DLGAP2: variants seen among roughly 807,000 people sequenced by gnomAD.
The protein encoded by DLGAP2 is DLG associated protein 2.
In DLGAP2, 26 loss-of-function variants were observed where a neutral mutation model predicts 100.3. That is an observed-to-expected ratio of 0.26 (90% CI 0.19 to 0.36). The LOEUF is 0.36. Among genes scored for constraint, DLGAP2 ranks in the 10% least tolerant of loss-of-function variants. The pLI is 1.00. For missense variants in DLGAP2, 1,858 were observed against 1,453.2 expected (o/e 1.28, Z -4.53); for synonymous variants, 886 against 630.1 (o/e 1.41, Z -6.08).
At chr8:756,189 G>A (rs1484997775) in intron 1 of DLGAP2, among the ~76,000 whole-genome samples, 1 of 152,264 alleles carries the variant, frequency 6.6e-6, no homozygotes, top group Non-Finnish European at 1.5e-5. Context: ...ACGAGTGTCT[G>A]GGAGGAGCTG....
chr8:1,312,178 AC>A (rs1456934705), intron 3 of DLGAP2, among the ~76,000 whole-genome samples: 2 of 152,194 alleles, frequency 1.3e-5, no homozygotes, highest in Non-Finnish European at 2.9e-5. Context: ...ACAGATCTCA[AC>A]CTTTTCATAA....
intron 2 of DLGAP2, among the ~76,000 whole-genome samples, chr8:1,094,515 G>T (rs748851342): frequency 6.6e-6 from 1 of 152,200 alleles, no homozygotes; most frequent in Non-Finnish European, 1.5e-5. Flanking sequence ...TCTGTTTTGT[G>T]CTGAGGCTTA....
rs377333931 is a variant in DLGAP2 at position 1,317,645 on chromosome 8, C to T, written c.106+58762C>T. Among the ~76,000 whole-genome samples, 126 of 125,074 alleles carry T rather than the reference C, an allele frequency of 1.0e-3. 3 individuals carry two copies. The highest frequency in any genetic ancestry group is 5.4e-3 in the Middle Eastern group (1 of 184). 82.1% of individuals were successfully genotyped at this position (125,074 alleles called of 152,430 possible). A position where few individuals can be genotyped will look rare whatever the true frequency, so the allele number is the denominator to read the frequency against. ...AACAGTGGTCTACACTCGAGACACT[C>T]GGCAGCGTTTAAAAATAGAGCGTGT... On this transcript the variant is annotated intron_variant, in intron 3 of 14. Transcript: ENST00000637795.
intron 1 of DLGAP2, among the ~76,000 whole-genome samples, chr8:881,496 C>CTTTTT (rs533557661): frequency 2.3e-5 from 2 of 85,628 alleles, no homozygotes; most frequent in Non-Finnish European, 4.8e-5. Context: ...TTTCATCTCT[C>CTTTTT]TTTTTTTTTT....
At chr8:1,110,500 G>A (rs1804919458) in intron 2 of DLGAP2, among the ~76,000 whole-genome samples, 1 of 151,242 alleles carries the variant, frequency 6.6e-6, no homozygotes. Flanking sequence ...TGTGATGTGT[G>A]CACGTGCCTG....
intron 3 of DLGAP2, among the ~76,000 whole-genome samples, chr8:1,475,122 A>G (rs1468262638): frequency 6.6e-6 from 1 of 152,170 alleles, no homozygotes; most frequent in African/African-American, 2.4e-5. Flanking sequence ...GTGAATCAAC[A>G]CAAATACTGC....
Position 1,549,261 on chromosome 8 carries a change from CACCACGCCA to C in DLGAP2, c.810_818del (p.His270_Lys273delinsGln). 6.2e-7 allele frequency: 1 copy of C among 1,610,860 alleles called. No individual in the cohort carries two copies. Among genetic ancestry groups the C allele is most frequent in the Non-Finnish European group, 8.5e-7 (1 of 1,179,272 alleles). ...CCGGGCGGACGACCACCACCACGCC[CACCACGCCA>C]AGCACAGCAAGAGGAGCAAGAGCAA... On this transcript the variant is annotated inframe_deletion, in exon 5 of 15. Coordinates refer to ENST00000637795, the MANE Select transcript of DLGAP2 (RefSeq NM_001346810.2).
At chr8:1,475,924 A>C (rs938246167) in intron 3 of DLGAP2, among the ~76,000 whole-genome samples, 2 of 152,128 alleles carry the variant, frequency 1.3e-5, no homozygotes, top group African/African-American at 4.8e-5. Flanking sequence ...TTTCATTAAA[A>C]TGTCTTCTTC....
At chr8:1,237,973 A>G (rs1798701654) in intron 2 of DLGAP2, among the ~76,000 whole-genome samples, 3 of 10,992 alleles carry the variant, frequency 2.7e-4, no homozygotes, top group East Asian at 1.3e-3. Flanking sequence ...GTTCTCTCAC[A>G]TGGCGCCGTG....
intron 2 of DLGAP2, among the ~76,000 whole-genome samples, chr8:1,230,150 G>A (rs1194712653): frequency 4.6e-5 from 7 of 152,092 alleles, no homozygotes; most frequent in Non-Finnish European, 4.4e-5. Flanking sequence ...AACTGATAAA[G>A]AAAATTTCAG....
chr8:786,686 G>T (rs914469442), intron 1 of DLGAP2, among the ~76,000 whole-genome samples: 1 of 152,280 alleles, frequency 6.6e-6, no homozygotes, highest in Middle Eastern at 3.4e-3. Context: ...CTGCTGGCTG[G>T]GAGGGGTGGG....
At chr8:1,632,680 C>T (rs186669393) in intron 7 of DLGAP2, 147 bp from the exon 8 acceptor site, 4 of 711,044 alleles carry the variant, frequency 5.6e-6, no homozygotes, top group Admixed American at 3.0e-5. Context: ...CAAGCTCAGC[C>T]GATGCCCATG....
intron 3 of DLGAP2, among the ~76,000 whole-genome samples, chr8:1,352,530 A>T (rs1801759816): frequency 6.6e-6 from 1 of 152,158 alleles, no homozygotes; most frequent in South Asian, 2.1e-4. Context: ...CATGACATTA[A>T]TATTCTTAGA....
chr8:855,734 A>G (rs555967370), intron 1 of DLGAP2, among the ~76,000 whole-genome samples: 1 of 152,334 alleles, frequency 6.6e-6, no homozygotes, highest in East Asian at 1.9e-4. Context: ...CTAGCTATGC[A>G]AGGCTGGTTC....
chr8:1,516,590 A>C (rs1584976560), intron 4 of DLGAP2, among the ~76,000 whole-genome samples: 1 of 151,804 alleles, frequency 6.6e-6, no homozygotes, highest in East Asian at 1.9e-4. Context: ...TGAGTGAGTG[A>C]ATGAGTGCAT....
At chr8:1,553,603 G>T (rs539171328) in intron 5 of DLGAP2, among the ~76,000 whole-genome samples, 1 of 152,164 alleles carries the variant, frequency 6.6e-6, no homozygotes, top group African/African-American at 2.4e-5. Context: ...CGATGAAAAC[G>T]GGGAGCCCTG....
intron 1 of DLGAP2, among the ~76,000 whole-genome samples, chr8:888,638 G>T (rs1797971194): frequency 6.7e-6 from 1 of 150,178 alleles, no homozygotes; most frequent in Non-Finnish European, 1.5e-5. Context: ...TCCCTCTTCT[G>T]TTGGGGTGCT....
chr8:946,412 C>T (rs987977233), intron 2 of DLGAP2, among the ~76,000 whole-genome samples: 7 of 151,930 alleles, frequency 4.6e-5, no homozygotes, highest in Admixed American at 2.0e-4. Flanking sequence ...TACAGGCGCC[C>T]GCCACCACGC....
intron 3 of DLGAP2, among the ~76,000 whole-genome samples, chr8:1,374,851 C>T (rs1802350372): frequency 6.6e-6 from 1 of 152,188 alleles, no homozygotes; most frequent in Non-Finnish European, 1.5e-5. Context: ...GCGTGGGACT[C>T]CGGTGCCGCA....
Sources: gnomAD v4.1 joint callset for allele counts (sites outside exome capture counted in the v4.1 genomes callset) on GRCh38, gnomAD v4.1.1 for gene constraint, MANE v1.5 for transcripts, NCBI Gene and HGNC (gene_info 2026-07-23, HGNC 2026-07-21) for gene names.